The following ERC1 variants were observed in gnomAD, a reference collection of about 807,000 sequenced individuals.
ERC1 encodes the protein RAB6 interacting protein 2.
Under a neutral mutation model 132.0 loss-of-function variants are expected in ERC1, and 56 were observed. The ratio of observed to expected loss-of-function variants is 0.42; its 90% confidence interval spans 0.34 to 0.53. The LOEUF (loss-of-function observed/expected upper bound fraction) is 0.53, where lower values mean the gene tolerates loss of function less well. ERC1 is among the 20% of genes least tolerant of loss of function. ERC1 has a pLI of 0.03. For missense variants in ERC1, 1,202 were observed against 1,349.9 expected (o/e 0.89, Z 1.72); for synonymous variants, 478 against 476.1 (o/e 1.00, Z -0.05).
intron 15 of ERC1, among the ~76,000 whole-genome samples, chr12:1,300,623 A>G (rs1396590755): frequency 6.6e-6 from 1 of 152,194 alleles, no homozygotes; most frequent in Non-Finnish European, 1.5e-5. Flanking sequence ...AAACAACCCC[A>G]TTAAAAAATG....
chr12:1,424,230 C>G (rs1203865782), intron 17 of ERC1, among the ~76,000 whole-genome samples: 6 of 152,200 alleles, frequency 3.9e-5, no homozygotes, highest in Middle Eastern at 3.4e-3. Flanking sequence ...AATGAGTAGG[C>G]AATCTACCTT....
chr12:1,193,431 T>TACACAC (rs57726333), intron 12 of ERC1, among the ~76,000 whole-genome samples: 9 of 149,148 alleles, frequency 6.0e-5, no homozygotes, highest in South Asian at 2.1e-4. Flanking sequence ...ATTAGTAGGA[T>TACACAC]ACACACACAC....
At chr12:1,213,759 C>T (rs1958102668) in intron 12 of ERC1, among the ~76,000 whole-genome samples, 1 of 148,220 alleles carries the variant, frequency 6.7e-6, no homozygotes, top group African/African-American at 2.5e-5. Context: ...AAAAAAATTG[C>T]CACGCATGGT....
Position 1,490,789 on chromosome 12 carries a change from CAT to C in ERC1, c.*560_*561del. 2 of 233,878 alleles carry C rather than the reference CAT, an allele frequency of 8.6e-6. No individual in the cohort carries two copies. Among genetic ancestry groups the C allele is most frequent in the Non-Finnish European group, 1.7e-5 (2 of 118,484 alleles). 14.5% of individuals were successfully genotyped at this position (233,878 alleles called of 1,614,324 possible). A position where few individuals can be genotyped will look rare whatever the true frequency, so the allele number is the denominator to read the frequency against. On this transcript the variant is annotated 3_prime_UTR_variant, in exon 19 of 19. Coordinates refer to ENST00000360905, the MANE Select transcript of ERC1 (RefSeq NM_178040.4). ...TACTGTCTCTTCTGCTTACTTTCCA[CAT>C]GAGATGCTTTGTACCGGGGAGCTGT...
intron 16 of ERC1, among the ~76,000 whole-genome samples, chr12:1,390,048 C>T (rs1016280052): frequency 6.6e-5 from 10 of 152,072 alleles, no homozygotes; most frequent in African/African-American, 1.7e-4. Context: ...TGAATCATAG[C>T]GGGGCTGTGT....
chr12:1,465,747 C>T (rs1463500159), intron 18 of ERC1, among the ~76,000 whole-genome samples: 1 of 152,216 alleles, frequency 6.6e-6, no homozygotes, highest in East Asian at 1.9e-4. Context: ...TCTCTCCCCG[C>T]AGTACCACCT....
At chr12:1,038,110 T>G (rs574618347) in intron 2 of ERC1, among the ~76,000 whole-genome samples, 1 of 151,910 alleles carries the variant, frequency 6.6e-6, no homozygotes, top group African/African-American at 2.4e-5. Context: ...CACAAAGTAA[T>G]GCTTCATCAT....
chr12:1,479,865 G>A (rs957113072), intron 18 of ERC1, among the ~76,000 whole-genome samples: 4 of 152,160 alleles, frequency 2.6e-5, no homozygotes, highest in Admixed American at 6.5e-5. Flanking sequence ...GTAGTCAACA[G>A]CACGGAGCTG....
intron 8 of ERC1, among the ~76,000 whole-genome samples, chr12:1,164,496 C>T (rs966083690): frequency 1.4e-5 from 2 of 143,098 alleles, no homozygotes; most frequent in African/African-American, 5.3e-5. Flanking sequence ...CGCCCGCCAC[C>T]GCACCCAGAT....
chr12:1,464,609 TCCC>T (rs2093706838), intron 18 of ERC1, among the ~76,000 whole-genome samples: 1 of 124,030 alleles, frequency 8.1e-6, no homozygotes, highest in Admixed American at 1.1e-4. Flanking sequence ...AACCTCCCCC[TCCC>T]GAGTTCAAGC....
chr12:1,223,794 C>G (rs960801626), intron 12 of ERC1, among the ~76,000 whole-genome samples: 4 of 152,092 alleles, frequency 2.6e-5, no homozygotes, highest in Admixed American at 6.6e-5. Context: ...CTAATTTGTC[C>G]TCTTCCTGCT....
At chr12:1,291,485 G>A (rs1196731926) in intron 15 of ERC1, among the ~76,000 whole-genome samples, 1 of 152,194 alleles carries the variant, frequency 6.6e-6, no homozygotes, top group Non-Finnish European at 1.5e-5. Flanking sequence ...CATTGAACAA[G>A]TGAAAAGATT....
intron 18 of ERC1, among the ~76,000 whole-genome samples, chr12:1,470,153 T>C (rs2093829422): frequency 6.7e-6 from 1 of 150,060 alleles, no homozygotes; most frequent in African/African-American, 2.4e-5. Context: ...GATCCATAGC[T>C]CTCTGTGGGA....
intron 1 of ERC1, among the ~76,000 whole-genome samples, chr12:1,021,556 G>A (rs565723862): frequency 3.3e-5 from 5 of 151,834 alleles, no homozygotes; most frequent in Admixed American, 6.6e-5. Context: ...AAAATTAGCC[G>A]GGCGTGGTGG....
upstream of ERC1, chr12:991,142 C>T (rs1301549052): frequency 6.7e-6 from 1 of 149,892 alleles, no homozygotes. Flanking sequence ...AGCCGGGAGC[C>T]CGGGGAGGCG....
chr12:1,157,127 C>G (rs1951473824), intron 8 of ERC1, among the ~76,000 whole-genome samples: 1 of 152,042 alleles, frequency 6.6e-6, no homozygotes, highest in Non-Finnish European at 1.5e-5. Flanking sequence ...GAGAAAGGCT[C>G]TCACTCACTC....
intron 3 of ERC1, among the ~76,000 whole-genome samples, chr12:1,093,854 A>G (rs2154193408): frequency 6.8e-6 from 1 of 147,822 alleles, no homozygotes; most frequent in Non-Finnish European, 1.5e-5. Context: ...AGATTAAAGA[A>G]AAAAAGAAAC....
chr12:1,267,784 A>G (rs1044705377), intron 14 of ERC1, among the ~76,000 whole-genome samples: 9 of 152,070 alleles, frequency 5.9e-5, no homozygotes, highest in Admixed American at 1.3e-4. Context: ...TAATAACAAC[A>G]TATTTGCACA....
intron 17 of ERC1, among the ~76,000 whole-genome samples, chr12:1,440,202 T>C (rs1015638616): frequency 2.0e-3 from 277 of 138,414 alleles, no homozygotes; most frequent in African/African-American, 8.1e-3. Context: ...TCTTTCTCTT[T>C]TTTTTTTTTT....
Sources: gnomAD v4.1 joint callset for allele counts (sites outside exome capture counted in the v4.1 genomes callset) on GRCh38, gnomAD v4.1.1 for gene constraint, MANE v1.5 for transcripts, NCBI Gene and HGNC (gene_info 2026-07-23, HGNC 2026-07-21) for gene names.